KAT8: variants seen among roughly 807,000 people sequenced by gnomAD.
KAT8 encodes the protein histone acetyltransferase KAT8.
A neutral mutation model predicts 62.9 loss-of-function variants in KAT8; 40 were observed. The observed-to-expected ratio is 0.64, with a 90% CI of 0.49 to 0.83. The LOEUF is 0.83. KAT8 is among the 40% of genes least tolerant of loss of function. KAT8 has a pLI of 0.00. For missense variants in KAT8, 387 were observed against 614.8 expected (o/e 0.63, Z 3.92); for synonymous variants, 278 against 254.5 (o/e 1.09, Z -0.88).
chr16:31,131,206 T>G lies in KAT8; in HGVS notation c.1324T>G (p.Cys442Gly). ...CCTTCTCCCCACAGTGGACTCCGTC[T>G]GCCTCAAGTGGGCACCCCCCAAGCA... ...KKPPITVDSVCLKWAPPKHKQ... is the reference protein window; with the variant it reads ...KKPPITVDSVGLKWAPPKHKQ... The change falls in exon 11 of 11, where the codon TGC (cysteine) becomes GGC (glycine). Residue 442 changes from cysteine to glycine, a missense_variant. Physicochemically the swap from Cys to Gly is radical, Grantham distance 159 (BLOSUM62 -3). Around this residue, in one of 6 missense-constraint regions of KAT8, gnomAD observed 75 missense variants for 105.7 expected, o/e 0.71. Transcript: ENST00000219797. 6.2e-7 allele frequency: 1 copy of G among 1,614,112 alleles called. No individual in the cohort carries two copies. Among genetic ancestry groups the G allele is most frequent in the Non-Finnish European group, 8.5e-7 (1 of 1,179,962 alleles).
chr16:31,130,981 G>T, intron 10 of KAT8, 81 bp downstream of exon 10: 2 of 1,548,394 alleles, frequency 1.3e-6, no homozygotes, highest in Non-Finnish European at 8.7e-7. Flanking sequence ...CCTCCTTATT[G>T]CTGTCACATG....
chr16:31,120,463 G>C lies in KAT8; in HGVS notation c.411G>C (p.Lys137Asn). The change falls in exon 3 of 11, where the codon AAG becomes AAC. Residue 137 changes from lysine to asparagine, a missense_variant. Lys to Asn is a moderately conservative substitution (Grantham distance 94). Around this residue, in one of 6 missense-constraint regions of KAT8, gnomAD observed 69 missense variants for 127.0 expected, o/e 0.54. Coordinates refer to ENST00000219797, the MANE Select transcript of KAT8 (RefSeq NM_032188.3). ...LSELAEQPER[K>N]ITRNQKRKHD... ...AGCTCGCAGAGCAGCCTGAGCGCAA[G>C]ATCACTCGCAACCAAAAGCGCAAGC... The C allele has an allele frequency of 6.2e-7, 1 of 1,613,716 alleles. No homozygotes were observed. The highest frequency in any genetic ancestry group is 8.5e-7 in the Non-Finnish European group (1 of 1,179,970).
At position 31,120,285 on chromosome 16, in the gene KAT8, G is replaced by A. The variant is rs200547629; in HGVS notation, c.286+25G>A. The A allele has an allele frequency of 2.1e-4, 338 of 1,613,928 alleles. 1 individual carries two copies. Among genetic ancestry groups the A allele is most frequent in the Admixed American group, 4.0e-4 (24 of 60,018 alleles). On this transcript the variant is annotated intron_variant, in intron 2 of 10. Coordinates refer to ENST00000219797, the MANE Select transcript of KAT8 (RefSeq NM_032188.3). ...TGTGAGTGGCTTGGCACATCTGGGC[G>A]TGGGTGCAGGGAGTTGGCTGCCCTG...
At chr16:31,126,950 C>A in intron 3 of KAT8, 85 bp from the exon 4 acceptor site, 1 of 1,419,010 alleles carries the variant, frequency 7.0e-7, no homozygotes, top group Non-Finnish European at 9.9e-7. Context: ...TGGTAGACGG[C>A]AGGGAAGCCT....
chr16:31,120,079 G>A (rs1472899483), intron 1 of KAT8, 107 bp from the exon 2 acceptor site: 5 of 851,838 alleles, frequency 5.9e-6, no homozygotes, highest in Non-Finnish European at 1.0e-5. Context: ...GGACCAGTGA[G>A]GTTAGCTGAT....
At chr16:31,129,910 G>T in intron 6 of KAT8, 107 bp from the exon 7 acceptor site, 1 of 1,240,734 alleles carries the variant, frequency 8.1e-7, no homozygotes, top group Non-Finnish European at 1.2e-6. Context: ...AAATCCTTCT[G>T]GCCTGGCGAG....
intron 1 of KAT8, among the ~76,000 whole-genome samples, chr16:31,119,338 CGAA>C (rs1490014617): frequency 6.6e-6 from 1 of 151,956 alleles, no homozygotes; most frequent in Non-Finnish European, 1.5e-5. Flanking sequence ...TTAGTAGAGA[CGAA>C]GTTTCACCAT....
At chr16:31,123,405 T>G (rs1184668561) in intron 3 of KAT8, among the ~76,000 whole-genome samples, 3 of 151,826 alleles carry the variant, frequency 2.0e-5, no homozygotes, top group East Asian at 3.9e-4. Context: ...TTAGTAGAGA[T>G]AGGGTTTCAC....
chr16:31,127,937 T>G, intron 5 of KAT8, 113 bp from the exon 6 acceptor site: 1 of 747,628 alleles, frequency 1.3e-6, no homozygotes, highest in African/African-American at 1.7e-5. Context: ...AGGTGAAGTG[T>G]TGAGGGGGGA....
At chr16:31,126,814 A>T in intron 3 of KAT8, 1 of 511,928 alleles carries the variant, frequency 2.0e-6, no homozygotes, top group Non-Finnish European at 3.3e-6. Context: ...CTTGGACATC[A>T]GGGATGTCTG....
At position 31,130,858 on chromosome 16, in the gene KAT8, G is replaced by A. The variant is rs2057571783; in HGVS notation, c.1270G>A (p.Glu424Lys). ...CTGTGTCACACCCAAGCTGGTGGAG[G>A]AGCACCTCAAAAGTGCCCAGTATAA... Reference protein sequence around the residue: ...VICVTPKLVEEHLKSAQYKKP... With the variant: ...VICVTPKLVEKHLKSAQYKKP... The change falls in exon 10 of 11, where the codon GAG becomes AAG. Residue 424 changes from glutamate to lysine, a missense_variant. Physicochemically the swap from Glu to Lys is moderately conservative, Grantham distance 56 (BLOSUM62 1). This residue lies in a region of KAT8 where 75 missense variants were observed against 105.7 expected (regional missense o/e 0.71). Coordinates refer to ENST00000219797, the MANE Select transcript of KAT8 (RefSeq NM_032188.3). 3 of 1,613,352 alleles carry A rather than the reference G, an allele frequency of 1.9e-6. No individual in the cohort carries two copies. Among genetic ancestry groups the A allele is most frequent in the Non-Finnish European group, 2.5e-6 (3 of 1,179,944 alleles).
At chr16:31,127,135 C>T (rs1294646358) in intron 4 of KAT8, 47 bp downstream of exon 4, 5 of 1,613,786 alleles carry the variant, frequency 3.1e-6, no homozygotes, top group Non-Finnish European at 4.2e-6. Flanking sequence ...TCTCCCCTTG[C>T]CGAGGAGCCC....
At chr16:31,125,603 C>CAAAAAAAAAAAAAAAAAA (rs61022736) in intron 3 of KAT8, 1 of 64,066 alleles carries the variant, frequency 1.6e-5, no homozygotes. Context: ...GACTCCGTCT[C>CAAAAAAAAAAAAAAAAAA]AAAAAAAAAA....
intron 3 of KAT8, chr16:31,121,085 T>TTTG (rs113125305): frequency 2.1e-5 from 3 of 142,992 alleles, no homozygotes; most frequent in African/African-American, 7.8e-5. Context: ...TAAATGGTTT[T>TTTG]TGTGTGTGTG....
At position 31,130,009 on chromosome 16, in the gene KAT8, A is replaced by T. The variant is rs1205773920; in HGVS notation, c.772-8A>T. ...CCCTGAGCCTGTCTCCCCCCTCCTC[A>T]ACCCTAGATTTACTGTCAGAACCTG... is the stretch of plus-strand genomic sequence containing the variant. On this transcript the variant is annotated splice_region_variant and splice_polypyrimidine_tract_variant and intron_variant, in intron 6 of 10. Transcript: ENST00000219797. The T allele has an allele frequency of 6.2e-7, 1 of 1,613,944 alleles. No individual in the cohort carries two copies. Among genetic ancestry groups the T allele is most frequent in the Admixed American group, 1.7e-5 (1 of 59,966 alleles).
chr16:31,130,928 G>C, intron 10 of KAT8, 28 bp downstream of exon 10: 1 of 1,599,770 alleles, frequency 6.3e-7, no homozygotes, highest in Non-Finnish European at 8.5e-7. Context: ...GTGTGTCGGG[G>C]GCGGTGGGGG....
Position 31,117,796 on chromosome 16 carries a change from G to C in KAT8, c.115G>C (p.Gly39Arg). The change falls in exon 1 of 11, where the codon GGC (glycine) becomes CGC (arginine). Residue 39 changes from glycine (G) to arginine (R), a missense_variant. Gly to Arg is a moderately radical substitution (Grantham distance 125). This residue lies in a region of KAT8 where 92 missense variants were observed against 78.8 expected (regional missense o/e 1.17). Coordinates refer to ENST00000219797, the MANE Select transcript of KAT8 (RefSeq NM_032188.3). The part of the protein sequence containing the change: ...AAAEGTAPSP[G>R]RVSPPTPARG... ...CGCTGAGGGGACCGCCCCATCCCCG[G>C]GCCGCGTCTCTCCGCCGACCCCGGC... 2.1e-6 allele frequency: 3 copies of C among 1,424,916 alleles called. No individual in the cohort carries two copies. Among genetic ancestry groups the C allele is most frequent in the Non-Finnish European group, 2.8e-6 (3 of 1,079,426 alleles). 88.3% of individuals were successfully genotyped at this position (1,424,916 alleles called of 1,614,324 possible).
chr16:31,118,986 T>C (rs1004604985), intron 1 of KAT8, among the ~76,000 whole-genome samples: 14 of 151,012 alleles, frequency 9.3e-5, no homozygotes, highest in African/African-American at 3.4e-4. Flanking sequence ...TAGGCTCAAG[T>C]GATCCTCCCA....
rs772095464 is a variant in KAT8 at position 31,130,384 on chromosome 16, G to C, written c.1006+24G>C. 5 of 1,614,170 alleles carry C rather than the reference G, an allele frequency of 3.1e-6. No individual in the cohort carries two copies. The South Asian group carries it at 4.4e-5, about 14-fold the overall frequency. On this transcript the variant is annotated intron_variant, in intron 8 of 10. Transcript: ENST00000219797. ...CAGTGAGTGGTTCCTGGCCTGTCTG[G>C]GAGGGGGAGACCTGTGGGGCAGGGG... is the stretch of plus-strand genomic sequence containing the variant.
Sources: allele counts gnomAD v4.1 joint callset (sites outside exome capture counted in the v4.1 genomes callset), GRCh38; gene constraint gnomAD v4.1.1; regional missense constraint gnomAD v4.1.1; transcripts MANE v1.5; gene names NCBI Gene and HGNC (gene_info 2026-07-23, HGNC 2026-07-21).